The following LHFPL6 variants were observed in gnomAD, a reference collection of about 807,000 sequenced individuals.
The protein encoded by LHFPL6 is LHFPL tetraspan subfamily member 6, also known as LHFPL tetraspan subfamily member 6 protein.
LHFPL6 carries 9 observed loss-of-function variants against 20.6 expected under a neutral mutation model. The ratio of observed to expected loss-of-function variants is 0.44; its 90% CI spans 0.26 to 0.76. The LOEUF is 0.76. Among genes scored for constraint, LHFPL6 ranks in the 30% least tolerant of loss-of-function variants. The probability of loss-of-function intolerance (pLI) is 0.20; values close to 1 mark genes in which losing one functional copy is unlikely to be tolerated. For synonymous variants in LHFPL6, 105 were observed against 98.7 expected, an observed-to-expected ratio of 1.06 and a Z score of -0.38; for missense variants, 218 against 253.5, an observed-to-expected ratio of 0.86 and a Z score of 0.95.
At chr13:39,548,393 A>G (rs989508922) in intron 2 of LHFPL6, among the ~76,000 whole-genome samples, 1 of 152,050 alleles carries the variant, frequency 6.6e-6, no homozygotes, top group Non-Finnish European at 1.5e-5. Flanking sequence ...ATGTCTGTAA[A>G]ATGTGGAAAA....
chr13:39,559,439 GCA>G (rs773561772), intron 2 of LHFPL6, among the ~76,000 whole-genome samples: 4 of 152,204 alleles, frequency 2.6e-5, no homozygotes, highest in Non-Finnish European at 5.9e-5. Flanking sequence ...CCAAAGTAGG[GCA>G]CAGAGTCAGA....
At chr13:39,556,781 A>G (rs1473036145) in intron 2 of LHFPL6, among the ~76,000 whole-genome samples, 1 of 152,102 alleles carries the variant, frequency 6.6e-6, no homozygotes, top group Non-Finnish European at 1.5e-5. Flanking sequence ...CTGGCAACAT[A>G]GTGACACTCC....
intron 2 of LHFPL6, among the ~76,000 whole-genome samples, chr13:39,388,554 A>T (rs551833733): frequency 6.6e-6 from 1 of 152,280 alleles, no homozygotes; most frequent in South Asian, 2.1e-4. Context: ...TAATTCTACC[A>T]TTTCACTTCT....
At chr13:39,490,555 A>C (rs1868889710) in intron 2 of LHFPL6, among the ~76,000 whole-genome samples, 1 of 152,202 alleles carries the variant, frequency 6.6e-6, no homozygotes, top group South Asian at 2.1e-4. Context: ...AGTCTTTAGG[A>C]AAAAGACAGG....
At chr13:39,394,428 T>A (rs1287656390) in intron 2 of LHFPL6, among the ~76,000 whole-genome samples, 4 of 152,218 alleles carry the variant, frequency 2.6e-5, no homozygotes, top group Non-Finnish European at 5.9e-5. Flanking sequence ...AACAGAGGTT[T>A]GTGGTTGAAT....
intron 2 of LHFPL6, among the ~76,000 whole-genome samples, chr13:39,477,153 G>T (rs1873103537): frequency 6.6e-6 from 1 of 151,744 alleles, no homozygotes. Context: ...CCTCCCCCAG[G>T]TCCCTCTGCT....
chr13:39,600,764 A>C, intron 2 of LHFPL6, 68 bp downstream of exon 2: 1 of 1,380,566 alleles, frequency 7.2e-7, no homozygotes, highest in Non-Finnish European at 9.5e-7. Context: ...TCAGTAGACA[A>C]CTGAAACATA....
chr13:39,371,187 A>G (rs1255549062), intron 3 of LHFPL6, among the ~76,000 whole-genome samples: 1 of 152,230 alleles, frequency 6.6e-6, no homozygotes, highest in Admixed American at 6.5e-5. Context: ...CAAGAACAGG[A>G]ACCATGATGG....
intron 2 of LHFPL6, among the ~76,000 whole-genome samples, chr13:39,461,900 A>T (rs1566116865): frequency 6.6e-6 from 1 of 152,102 alleles, no homozygotes; most frequent in African/African-American, 2.4e-5. Context: ...CTATTTTTTT[A>T]AATTCCTGAA....
intron 2 of LHFPL6, among the ~76,000 whole-genome samples, chr13:39,470,830 G>A (rs4499118): frequency 0.45 from 69,078 of 151,986 alleles, 16,218 homozygotes; most frequent in African/African-American, 0.57. Flanking sequence ...AATGCTTTTC[G>A]ATTTATCTAA....
chr13:39,363,583 G>A (rs748907475), intron 3 of LHFPL6, among the ~76,000 whole-genome samples: 1 of 152,048 alleles, frequency 6.6e-6, no homozygotes, highest in African/African-American at 2.4e-5. Context: ...GCCATCTCCC[G>A]TACTTTCCCA....
At chr13:39,588,343 T>A (rs758543185) in intron 2 of LHFPL6, among the ~76,000 whole-genome samples, 1 of 152,238 alleles carries the variant, frequency 6.6e-6, no homozygotes, top group Non-Finnish European at 1.5e-5. Context: ...TAAATGCCCT[T>A]AACCACCAAT....
rs911446592 is a variant in LHFPL6 at position 39,539,901 on chromosome 13, G to T, written c.385+60931C>A. Among the ~76,000 whole-genome samples, 86 of 152,130 alleles carry T rather than the reference G, an allele frequency of 5.7e-4. 3 individuals carry two copies. Among genetic ancestry groups the T allele is most frequent in the Non-Finnish European group, 1.5e-5 (1 of 68,040 alleles). ...TTTCATCAATTCAGTTTTGTGCTCT[G>T]CCATTAAAACTGCATGTAATACACT... On this transcript the variant is annotated intron_variant, in intron 2 of 3. Transcript: ENST00000379589.
chr13:39,472,306 A>T (rs982369052), intron 2 of LHFPL6, among the ~76,000 whole-genome samples: 1 of 152,128 alleles, frequency 6.6e-6, no homozygotes, highest in African/African-American at 2.4e-5. Context: ...CTTCTCACTT[A>T]CTAGCACTCT....
chr13:39,426,229 T>C (rs1251033843), intron 2 of LHFPL6, among the ~76,000 whole-genome samples: 1 of 151,538 alleles, frequency 6.6e-6, no homozygotes, highest in Non-Finnish European at 1.5e-5. Context: ...TTTTTCTTTT[T>C]TTTTTTTTGA....
intron 2 of LHFPL6, among the ~76,000 whole-genome samples, chr13:39,440,917 C>A (rs1872106446): frequency 6.6e-6 from 1 of 152,108 alleles, no homozygotes; most frequent in African/African-American, 2.4e-5. Flanking sequence ...TTTCTTTGCA[C>A]AAACTCTCTT....
chr13:39,494,231 A>G (rs751444789), intron 2 of LHFPL6, among the ~76,000 whole-genome samples: 4 of 152,264 alleles, frequency 2.6e-5, no homozygotes, highest in African/African-American at 4.8e-5. Flanking sequence ...CTCAAATGCC[A>G]TCATTACATT....
At chr13:39,374,518 A>T (rs1870240338) in intron 3 of LHFPL6, among the ~76,000 whole-genome samples, 1 of 151,768 alleles carries the variant, frequency 6.6e-6, no homozygotes, top group South Asian at 2.1e-4. Context: ...ACATGTACCC[A>T]CTGAATCTAA....
intron 2 of LHFPL6, among the ~76,000 whole-genome samples, chr13:39,508,564 T>C (rs1194139694): frequency 2.6e-5 from 4 of 152,250 alleles, no homozygotes; most frequent in Non-Finnish European, 4.4e-5. Flanking sequence ...AAGAATTTTA[T>C]ATTAATGGAA....
Sources: gnomAD v4.1 joint callset for allele counts (sites outside exome capture counted in the v4.1 genomes callset) on GRCh38, gnomAD v4.1.1 for gene constraint, MANE v1.5 for transcripts, NCBI Gene and HGNC (gene_info 2026-07-23, HGNC 2026-07-21) for gene names.